Variants in PIP4K2A observed in about 807,000 individuals in gnomAD.
PIP4K2A encodes the protein phosphatidylinositol 5-phosphate 4-kinase type-2 alpha.
In PIP4K2A, 14 loss-of-function variants were observed where a neutral mutation model predicts 42.9. That is an observed-to-expected ratio of 0.33 (90% confidence interval 0.22 to 0.51). PIP4K2A has a LOEUF of 0.51. Ranked by LOEUF, PIP4K2A falls within the 20% of genes least tolerant of loss-of-function variation. PIP4K2A has a pLI of 0.97. For missense variants in PIP4K2A, 434 were observed against 519.8 expected (o/e 0.83, Z 1.61); for synonymous variants, 192 against 192.2 (o/e 1.00, Z 0.01).
intron 4 of PIP4K2A, among the ~76,000 whole-genome samples, chr10:22,580,604 AG>A (rs1456929997): frequency 2.8e-4 from 42 of 152,222 alleles, no homozygotes; most frequent in African/African-American, 9.2e-4. Flanking sequence ...AAGAGTTTAA[AG>A]CATCCTATCT....
chr10:22,713,896 G>A, intron 1 of PIP4K2A: 2 of 240,320 alleles, frequency 8.3e-6, no homozygotes. Context: ...GGGCGGGCGG[G>A]CGGACCGGGG....
At chr10:22,618,514 T>C (rs1448819524) in intron 1 of PIP4K2A, among the ~76,000 whole-genome samples, 1 of 152,198 alleles carries the variant, frequency 6.6e-6, no homozygotes, top group Non-Finnish European at 1.5e-5. Context: ...GCAGTTGTGA[T>C]CAGAACTTTC....
intron 7 of PIP4K2A, among the ~76,000 whole-genome samples, chr10:22,542,728 T>G (rs904786322): frequency 1.3e-5 from 2 of 152,212 alleles, no homozygotes; most frequent in African/African-American, 4.8e-5. Context: ...GTCTGCCCAG[T>G]TCTTTGACTT....
chr10:22,624,964 A>G (rs1838405995), intron 1 of PIP4K2A, among the ~76,000 whole-genome samples: 2 of 152,254 alleles, frequency 1.3e-5, no homozygotes, highest in Non-Finnish European at 2.9e-5. Context: ...CCATTTGTTA[A>G]TGGTTTTTGA....
At chr10:22,645,700 T>TC (rs1258536923) in intron 1 of PIP4K2A, among the ~76,000 whole-genome samples, 10 of 151,560 alleles carry the variant, frequency 6.6e-5, no homozygotes, top group Non-Finnish European at 1.5e-4. Flanking sequence ...TTTTTTTTTT[T>TC]TCTGAGACAG....
chr10:22,660,413 G>A (rs747728480), intron 1 of PIP4K2A, among the ~76,000 whole-genome samples: 3 of 152,166 alleles, frequency 2.0e-5, no homozygotes, highest in Non-Finnish European at 4.4e-5. Context: ...AGAGACTGCA[G>A]TGAGCTGAGA....
At position 22,714,210 on chromosome 10, in the gene PIP4K2A, G is replaced by A; in HGVS notation, c.117C>T (p.Ser39=). ...AGTGGTTTACCCCCCACATGAGGAC[G>A]CTGAGCAGCGGGTCGCTGGCCCGAA... ...KLFRASDPLL[S]VLMWGVNHSI... is the part of the protein sequence containing the mutation. Residue 39 remains serine, a synonymous_variant, in exon 1 of 10, where the codon AGC becomes AGT. Coordinates refer to ENST00000376573, the MANE Select transcript of PIP4K2A (RefSeq NM_005028.5). 1 of 1,611,630 alleles carries A rather than the reference G, an allele frequency of 6.2e-7. No homozygotes were observed. Among genetic ancestry groups the A allele is most frequent in the Non-Finnish European group, 8.5e-7 (1 of 1,178,700 alleles).
intron 4 of PIP4K2A, among the ~76,000 whole-genome samples, chr10:22,586,100 C>T (rs1054547568): frequency 1.3e-5 from 2 of 152,104 alleles, no homozygotes; most frequent in Non-Finnish European, 2.9e-5. Context: ...TTATAGGATC[C>T]GAGTTTCTTA....
chr10:22,570,084 A>T (rs938129187), intron 5 of PIP4K2A, among the ~76,000 whole-genome samples: 5 of 136,136 alleles, frequency 3.7e-5, no homozygotes, highest in Admixed American at 1.4e-4. Flanking sequence ...CAGGGGGATT[A>T]AAAAAAAAAA....
chr10:22,579,844 G>A (rs1031789145), intron 4 of PIP4K2A, among the ~76,000 whole-genome samples: 15 of 149,350 alleles, frequency 1.0e-4, no homozygotes, highest in African/African-American at 3.6e-4. Flanking sequence ...AGGAGGTAGA[G>A]GCTGCAGTGA....
intron 1 of PIP4K2A, chr10:22,694,631 A>C (rs1465772802): frequency 1.3e-5 from 2 of 152,148 alleles, no homozygotes; most frequent in African/African-American, 4.8e-5. Context: ...TGTTTTTTTC[A>C]ATGACCTTAC....
chr10:22,576,946 T>C (rs1017288188), intron 4 of PIP4K2A, among the ~76,000 whole-genome samples: 3 of 151,952 alleles, frequency 2.0e-5, no homozygotes, highest in African/African-American at 7.3e-5. Context: ...TGGTGGTGCA[T>C]GCCTGTAGTC....
chr10:22,698,822 A>C (rs16922612), intron 1 of PIP4K2A, among the ~76,000 whole-genome samples: 1 of 152,264 alleles, frequency 6.6e-6, no homozygotes, highest in South Asian at 2.1e-4. Flanking sequence ...GTAATTTTTT[A>C]TATTTGTGTG....
intron 1 of PIP4K2A, among the ~76,000 whole-genome samples, chr10:22,664,399 T>C (rs1262648621): frequency 2.0e-5 from 3 of 150,842 alleles, no homozygotes; most frequent in Non-Finnish European, 4.4e-5. Flanking sequence ...TGGCTATTTA[T>C]ATTTTTTATC....
chr10:22,619,439 CTTTT>C (rs746519034), intron 1 of PIP4K2A, among the ~76,000 whole-genome samples: 1 of 137,506 alleles, frequency 7.3e-6, no homozygotes, highest in Admixed American at 7.2e-5. Flanking sequence ...TTTCTTTTTT[CTTTT>C]TTTTTTTTTT....
At chr10:22,573,563 AGCCATTAG>A (rs1165343334) in intron 4 of PIP4K2A, 106 bp from the exon 5 acceptor site, 2 of 891,888 alleles carry the variant, frequency 2.2e-6, no homozygotes, top group African/African-American at 1.7e-5. Flanking sequence ...GAAAACCTCC[AGCCATTAG>A]GGTCTTATTT....
At chr10:22,572,012 A>G (rs1346107079) in intron 5 of PIP4K2A, among the ~76,000 whole-genome samples, 3 of 152,256 alleles carry the variant, frequency 2.0e-5, no homozygotes, top group Non-Finnish European at 2.9e-5. Context: ...AAGAAACTAC[A>G]TATTCTAATA....
At chr10:22,607,185 C>T (rs55680125) in intron 3 of PIP4K2A, among the ~76,000 whole-genome samples, 3 of 152,142 alleles carry the variant, frequency 2.0e-5, no homozygotes, top group East Asian at 1.9e-4. Context: ...GAATCTGGCT[C>T]GCTATATGAA....
intron 6 of PIP4K2A, 26 bp from the exon 7 acceptor site, chr10:22,550,798 C>T: frequency 7.2e-7 from 1 of 1,397,062 alleles, no homozygotes; most frequent in Non-Finnish European, 1.0e-6. Flanking sequence ...AAAACAATGA[C>T]AAAGGCGCTT....
Sources: allele counts gnomAD v4.1 joint callset (sites outside exome capture counted in the v4.1 genomes callset), GRCh38; gene constraint gnomAD v4.1.1; transcripts MANE v1.5; gene names NCBI Gene and HGNC (gene_info 2026-07-23, HGNC 2026-07-21).